BZW2: variants seen among roughly 807,000 people sequenced by gnomAD.
BZW2 encodes eIF5-mimic protein 1.
A neutral mutation model predicts 53.2 loss-of-function variants in BZW2; 23 were observed. That is an observed-to-expected ratio of 0.43 (90% CI 0.31 to 0.61). The LOEUF is 0.61. BZW2 is among the 20% of genes least tolerant of loss of function. The pLI is 0.09. For synonymous variants in BZW2, 227 were observed against 186.4 expected, an observed-to-expected ratio of 1.22 and a Z score of -1.77; for missense variants, 409 against 503.1, an observed-to-expected ratio of 0.81 and a Z score of 1.79.
chr7:16,703,769 T>G (rs968860511), intron 10 of BZW2, among the ~76,000 whole-genome samples: 3 of 152,220 alleles, frequency 2.0e-5, no homozygotes, highest in African/African-American at 7.2e-5. Flanking sequence ...CATTAAATAC[T>G]CTCAATTAAT....
chr7:16,705,995 A>T, intron 11 of BZW2, 65 bp from the exon 12 acceptor site: 2 of 1,584,626 alleles, frequency 1.3e-6, no homozygotes, highest in African/African-American at 2.7e-5. Flanking sequence ...TGGTGACTGT[A>T]GTAACTTTTG....
chr7:16,696,601 C>T (rs1783497820), intron 8 of BZW2, among the ~76,000 whole-genome samples: 1 of 152,130 alleles, frequency 6.6e-6, no homozygotes, highest in African/African-American at 2.4e-5. Flanking sequence ...CAAACTGGCT[C>T]AAGTATCCCT....
chr7:16,685,954 C>T lies in BZW2; in HGVS notation c.455C>T (p.Ala152Val), dbSNP rs1292741642. ...AFSETEQTKL[A>V]MLSGILLGNG... ...TCCGAAACAGAGCAGACAAAGTTGG[C>T]GATGCTGTCGGGGATTCTGCTGGGC... The change falls in exon 6 of 12, where the codon GCG (alanine) becomes GTG (valine). Residue 152 changes from alanine (A) to valine (V), a missense_variant. Physicochemically the swap from Ala to Val is moderately conservative, Grantham distance 64. This residue lies in a region of BZW2 where 316 missense variants were observed against 366.8 expected (regional missense o/e 0.86). Transcript: ENST00000258761. 2.5e-6 allele frequency: 4 copies of T among 1,569,514 alleles called. No homozygotes were observed. Among genetic ancestry groups the T allele is most frequent in the African/African-American group, 2.8e-5 (2 of 71,828 alleles).
intron 3 of BZW2, among the ~76,000 whole-genome samples, chr7:16,679,842 T>G (rs1782884542): frequency 6.6e-6 from 1 of 152,220 alleles, no homozygotes; most frequent in African/African-American, 2.4e-5. Flanking sequence ...CCTTCTACCT[T>G]AATTACAACG....
At chr7:16,662,014 A>G (rs778076342) in intron 1 of BZW2, 1 of 152,164 alleles carries the variant, frequency 6.6e-6, no homozygotes, top group Non-Finnish European at 1.5e-5. Flanking sequence ...TGTCTTTGTT[A>G]TCTTCCTAGG....
rs764155066 is a variant in BZW2, at chr7:16,694,994, C to T, written c.812C>T (p.Pro271Leu). 5.7e-6 allele frequency: 9 copies of T among 1,575,112 alleles called. No individual in the cohort carries two copies. The highest frequency in any genetic ancestry group is 1.7e-5 in the Admixed American group (1 of 58,962). ...ELQERLSQEC[P>L]IKEVVLYVKE... is the part of the protein sequence containing the mutation. ...CAGGAGCGTCTTTCTCAGGAATGCC[C>T]GATCAAGGAGGTGGGAGACCACGGG... The change falls in exon 8 of 12, where the codon CCG becomes CTG. Residue 271 changes from proline to leucine, a missense_variant. This residue lies in a region of BZW2 where 316 missense variants were observed against 366.8 expected (regional missense o/e 0.86). Transcript: ENST00000258761.
chr7:16,673,924 C>T (rs929473799), intron 2 of BZW2, among the ~76,000 whole-genome samples: 5 of 151,436 alleles, frequency 3.3e-5, no homozygotes, highest in South Asian at 4.2e-4. Flanking sequence ...TTTGAGACAG[C>T]GTTTCACTCT....
chr7:16,694,419 A>G (rs960638214), intron 7 of BZW2, among the ~76,000 whole-genome samples: 5 of 152,108 alleles, frequency 3.3e-5, no homozygotes, highest in African/African-American at 1.2e-4. Context: ...GAAGGCTCAG[A>G]GTATCACATG....
chr7:16,704,607 G>A lies in BZW2; in HGVS notation c.1169G>A (p.Gly390Asp). 2 of 1,596,056 alleles carry A rather than the reference G, an allele frequency of 1.3e-6. No individual in the cohort carries two copies. Among genetic ancestry groups the A allele is most frequent in the South Asian group, 1.1e-5 (1 of 89,498 alleles). ...KWYKEAHVAK[G>D]KSVFLDQMKK... The stretch of plus-strand genomic sequence containing the variant: ...TATAAGGAAGCACATGTTGCTAAAG[G>A]CAAAAGTGTTTTTCTTGACCAGATG... The change falls in exon 11 of 12, where the codon GGC becomes GAC. Residue 390 changes from glycine (G) to aspartate (D), a missense_variant. By Grantham distance (94) the Gly-to-Asp change is moderately conservative. Transcript: ENST00000258761.
At chr7:16,660,045 A>G (rs1336121775) in intron 1 of BZW2, among the ~76,000 whole-genome samples, 10 of 137,142 alleles carry the variant, frequency 7.3e-5, no homozygotes, top group Admixed American at 1.6e-4. Flanking sequence ...ACGTGTTCTC[A>G]TTGTTCAGTT....
chr7:16,683,882 C>A (rs1314944639), intron 5 of BZW2, among the ~76,000 whole-genome samples: 1 of 152,188 alleles, frequency 6.6e-6, no homozygotes, highest in Non-Finnish European at 1.5e-5. Flanking sequence ...TAACTGCACC[C>A]CACCCCACCC....
chr7:16,702,652 C>T (rs1202699663), intron 10 of BZW2, among the ~76,000 whole-genome samples: 2 of 152,110 alleles, frequency 1.3e-5, no homozygotes, highest in South Asian at 2.1e-4. Flanking sequence ...GGAATGTGCT[C>T]TCAACCTTCA....
intron 8 of BZW2, chr7:16,695,961 T>C (rs706041): frequency 0.71 from 107,987 of 152,136 alleles, 38,694 homozygotes; most frequent in East Asian, 0.84. Context: ...TAAAAAGCCT[T>C]GTGATGCTTG....
chr7:16,694,731 C>A, intron 7 of BZW2, 103 bp from the exon 8 acceptor site: 1 of 972,782 alleles, frequency 1.0e-6, no homozygotes, highest in East Asian at 2.5e-5. Flanking sequence ...TTATTCTTTT[C>A]TTCCAAATGT....
chr7:16,696,599 C>T (rs1185043524), intron 8 of BZW2, among the ~76,000 whole-genome samples: 1 of 152,174 alleles, frequency 6.6e-6, no homozygotes, highest in Non-Finnish European at 1.5e-5. Context: ...GTCAAACTGG[C>T]TCAAGTATCC....
intron 8 of BZW2, among the ~76,000 whole-genome samples, chr7:16,695,514 T>A (rs141564885): frequency 6.6e-6 from 1 of 152,354 alleles, no homozygotes; most frequent in East Asian, 1.9e-4. Flanking sequence ...CACTCACACT[T>A]GGAAGAGCTG....
At chr7:16,689,331 A>G (rs1007470628) in intron 6 of BZW2, among the ~76,000 whole-genome samples, 3 of 152,236 alleles carry the variant, frequency 2.0e-5, no homozygotes, top group Non-Finnish European at 4.4e-5. Flanking sequence ...TATTGTATCT[A>G]TCACTATCAG....
At chr7:16,667,584 G>T (rs1466058843) in intron 2 of BZW2, among the ~76,000 whole-genome samples, 1 of 152,140 alleles carries the variant, frequency 6.6e-6, no homozygotes, top group East Asian at 1.9e-4. Flanking sequence ...AGACGGAAAA[G>T]AAATTGCAAT....
At chr7:16,658,414 A>G (rs1253305507) in intron 1 of BZW2, among the ~76,000 whole-genome samples, 3 of 152,116 alleles carry the variant, frequency 2.0e-5, no homozygotes, top group Admixed American at 6.5e-5. Context: ...ACAAGCATTC[A>G]AGCATTTACA....
Sources: gnomAD v4.1 joint callset for allele counts (sites outside exome capture counted in the v4.1 genomes callset) on GRCh38, gnomAD v4.1.1 for gene constraint, gnomAD v4.1.1 regional missense constraint, MANE v1.5 for transcripts, NCBI Gene and HGNC (gene_info 2026-07-23, HGNC 2026-07-21) for gene names.